WARS1: variants seen among roughly 807,000 people sequenced by gnomAD.
WARS1 encodes tryptophan--tRNA ligase, cytoplasmic.
In WARS1, 17 loss-of-function variants were observed where a neutral mutation model predicts 47.8. The ratio of observed to expected loss-of-function variants is 0.36; its 90% confidence interval spans 0.24 to 0.53. The LOEUF (loss-of-function observed/expected upper bound fraction) is 0.53, where lower values mean the gene tolerates loss of function less well. WARS1 is among the 20% of genes least tolerant of loss of function. The pLI, the probability that WARS1 is intolerant of heterozygous loss-of-function variation, is 0.91. For missense variants in WARS1, 434 were observed against 608.0 expected, an observed-to-expected ratio of 0.71 and a Z score of 3.01; for synonymous variants, 208 against 228.1, an observed-to-expected ratio of 0.91 and a Z score of 0.79.
intron 2 of WARS1, among the ~76,000 whole-genome samples, chr14:100,362,963 C>T (rs778086772): frequency 6.6e-6 from 1 of 152,170 alleles, no homozygotes; most frequent in Admixed American, 6.5e-5. Flanking sequence ...ATCTGAGACT[C>T]ATCATTAAAA....
rs772843016 is a variant in WARS1, at chr14:100,369,167, C to G, written c.19G>C (p.Ala7Pro). 1.5e-6 allele frequency: 2 copies of G among 1,370,630 alleles called. No homozygotes were observed. Among genetic ancestry groups the G allele is most frequent in the East Asian group, 7.5e-5 (2 of 26,652 alleles). 84.9% of individuals were successfully genotyped at this position (1,370,630 alleles called of 1,614,324 possible). ...CTGTTGAACAGCTCCAGCAGAGATGCGGGCTCACTGTTGGGCATGTTTGCT... is the reference window on the plus strand; with the variant it reads ...CTGTTGAACAGCTCCAGCAGAGATGGGGGCTCACTGTTGGGCATGTTTGCT... MPNSEP[A>P]SLLELFNSIA... is the part of the protein sequence containing the mutation. Residue 7 changes from alanine to proline, a missense_variant, in exon 2 of 11, where the codon GCA becomes CCA. Ala to Pro is a conservative substitution (Grantham distance 27). Coordinates refer to ENST00000392882, the MANE Select transcript of WARS1 (RefSeq NM_004184.4).
intron 6 of WARS1, among the ~76,000 whole-genome samples, chr14:100,350,208 A>G (rs894330072): frequency 6.6e-6 from 1 of 151,804 alleles, no homozygotes; most frequent in Non-Finnish European, 1.5e-5. Flanking sequence ...CCTGGCCAAC[A>G]TGGTGAAACT....
At position 100,361,828 on chromosome 14, in the gene WARS1, C is replaced by T. The variant is rs374643543; in HGVS notation, c.193G>A (p.Gly65Arg). 1.9e-6 allele frequency: 3 copies of T among 1,614,188 alleles called. No individual in the cohort carries two copies. The highest frequency in any genetic ancestry group is 2.5e-6 in the Non-Finnish European group (3 of 1,180,026). ...TGATTACTGGTAGGTGCTGGGTTCC[C>T]TGGAGGACAGTCAGCCTTGTAATCC... ...GEDYKADCPPGNPAPTSNHGP... is the reference protein window; with the variant it reads ...GEDYKADCPPRNPAPTSNHGP... Residue 65 changes from glycine to arginine, a missense_variant, in exon 3 of 11, where the codon GGG (glycine) becomes AGG (arginine). This residue lies in a region of WARS1 where 87 missense variants were observed against 84.2 expected (regional missense o/e 1.03). Transcript: ENST00000392882.
chr14:100,339,419 G>C lies in WARS1; in HGVS notation c.1114-2217C>G, dbSNP rs181169011. On this transcript the variant is annotated intron_variant, in intron 9 of 10. Transcript: ENST00000392882. The stretch of plus-strand genomic sequence containing the variant: ...ATCCTGGCTAACACGGTGAAACCCC[G>C]TCTCTACCAAAATACAAAAAATTAG... Among the ~76,000 whole-genome samples the C allele has an allele frequency of 2.0e-5, 3 of 152,024 alleles. No homozygotes were observed. In the East Asian group the frequency reaches 5.9e-4, roughly 30 times the overall value.
At chr14:100,369,716 C>G (rs1410354509) in intron 1 of WARS1, among the ~76,000 whole-genome samples, 1 of 151,738 alleles carries the variant, frequency 6.6e-6, no homozygotes, top group African/African-American at 2.4e-5. Context: ...CTCGCTCTGC[C>G]ACCCAGGCTG....
chr14:100,351,040 C>T (rs1221637634), intron 6 of WARS1, among the ~76,000 whole-genome samples: 1 of 152,066 alleles, frequency 6.6e-6, no homozygotes, highest in African/African-American at 2.4e-5. Context: ...GTAGCAGTGA[C>T]GCTGGAGAGG....
At chr14:100,367,112 G>C (rs540215398) in intron 2 of WARS1, among the ~76,000 whole-genome samples, 13 of 152,206 alleles carry the variant, frequency 8.5e-5, no homozygotes, top group African/African-American at 3.1e-4. Context: ...AGAGTGCTGT[G>C]AGGAAACTTC....
chr14:100,356,587 G>A (rs1038841511), intron 4 of WARS1, among the ~76,000 whole-genome samples: 4 of 151,972 alleles, frequency 2.6e-5, no homozygotes, highest in East Asian at 1.9e-4. Context: ...CTACTGAAAC[G>A]AACCCAAGAA....
At chr14:100,340,807 G>A (rs938869717) in intron 9 of WARS1, among the ~76,000 whole-genome samples, 1 of 152,120 alleles carries the variant, frequency 6.6e-6, no homozygotes, top group Admixed American at 6.6e-5. Context: ...CCGTCTGTAG[G>A]CCTCTGTTTT....
chr14:100,345,009 G>GC (rs1160551093), intron 7 of WARS1, among the ~76,000 whole-genome samples: 3 of 148,352 alleles, frequency 2.0e-5, no homozygotes, highest in Non-Finnish European at 3.0e-5. Context: ...GGGGGGGTCA[G>GC]CCCCCCGCCC....
intron 9 of WARS1, among the ~76,000 whole-genome samples, chr14:100,338,080 G>A (rs775514016): frequency 1.3e-5 from 2 of 152,082 alleles, no homozygotes; most frequent in East Asian, 1.9e-4. Flanking sequence ...GCTGTGCAGG[G>A]AGAGGGGCCT....
At position 100,342,508 on chromosome 14, in the gene WARS1, G is replaced by A. The variant is rs9453; in HGVS notation, c.1003C>T (p.Leu335=). 0.73 allele frequency: 1,185,378 copies of A among 1,613,524 alleles called. 438,903 individuals carry two copies. Among genetic ancestry groups the A allele is most frequent in the Admixed American group, 0.84 (50,357 of 60,006 alleles). Residue 335 remains leucine, a synonymous_variant, in exon 9 of 11, where the codon CTG becomes TTG. Coordinates refer to ENST00000392882, the MANE Select transcript of WARS1 (RefSeq NM_004184.4). The part of the protein sequence containing the change: ...PRIGYPKPAL[L]HSTFFPALQG... Reference sequence around the variant, plus strand: ...AGGGCTGGGAAGAAGGTGGAGTGCAGCAGGGCTGGTTTAGGATAGCCGATC... The same window carrying A: ...AGGGCTGGGAAGAAGGTGGAGTGCAACAGGGCTGGTTTAGGATAGCCGATC...
At chr14:100,342,715 CT>C (rs1389060111) in intron 8 of WARS1, 144 bp from the exon 9 acceptor site, 46,107 of 518,554 alleles carry the variant, frequency 0.089, 57 homozygotes, top group South Asian at 0.13. Context: ...TCATCTTTTC[CT>C]TTTTTTTTTT....
rs1555381563 is a variant in WARS1 at position 100,356,396 on chromosome 14, T to TGGG, written c.423-1831_423-1830insCCC. On this transcript the variant is annotated intron_variant, in intron 4 of 10. Coordinates refer to ENST00000392882, the MANE Select transcript of WARS1 (RefSeq NM_004184.4). ...CAAAGTGACTGGGTGTGTGTGTGTG[T>TGGG]GTGGGGGGGGGTGTGGAATAAAAGA... 2.4e-3 allele frequency among the ~76,000 whole-genome samples: 241 copies of TGGG among 98,782 alleles called. 5 individuals carry two copies. The highest frequency in any genetic ancestry group is 4.0e-3 in the Non-Finnish European group (182 of 45,086). 64.8% of individuals were successfully genotyped at this position (98,782 alleles called of 152,430 possible). A position where few individuals can be genotyped will look rare whatever the true frequency, so the allele number is the denominator to read the frequency against.
chr14:100,355,151 G>T (rs527933089), intron 4 of WARS1, among the ~76,000 whole-genome samples: 69 of 152,232 alleles, frequency 4.5e-4, no homozygotes, highest in African/African-American at 1.5e-3. Context: ...AATCACAGCT[G>T]CCTGCGCCCC....
Position 100,366,043 on chromosome 14 carries a change from G to C in WARS1, c.99+3044C>G, listed in dbSNP as rs187683226. On this transcript the variant is annotated intron_variant, in intron 2 of 10. Coordinates refer to ENST00000392882, the MANE Select transcript of WARS1 (RefSeq NM_004184.4). The stretch of plus-strand genomic sequence containing the variant: ...AGTTATTGAGAATCCCTCTCCCCTC[G>C]GCCAAGGGAGTGTCACAGTTTCCCC... 77 of 455,932 alleles carry C rather than the reference G, an allele frequency of 1.7e-4. No individual in the cohort carries two copies. In the East Asian group the frequency reaches 5.3e-3, roughly 31 times the overall value. 28.2% of individuals were successfully genotyped at this position (455,932 alleles called of 1,614,324 possible).
At chr14:100,374,692 G>A (rs1247177914) in intron 1 of WARS1, 3 of 152,214 alleles carry the variant, frequency 2.0e-5, no homozygotes, top group Non-Finnish European at 2.9e-5. Flanking sequence ...ATGTGGCCCA[G>A]GAGTGTTTCT....
intron 6 of WARS1, among the ~76,000 whole-genome samples, chr14:100,350,589 T>C (rs967609384): frequency 2.6e-5 from 4 of 152,100 alleles, no homozygotes; most frequent in Non-Finnish European, 5.9e-5. Context: ...TACCCCATCG[T>C]GCATCTATTG....
At chr14:100,341,762 C>T (rs554140690) in intron 9 of WARS1, among the ~76,000 whole-genome samples, 85 of 152,344 alleles carry the variant, frequency 5.6e-4, no homozygotes, top group African/African-American at 1.4e-3. Flanking sequence ...AGGACTGTCC[C>T]GTGGATGGAC....
Sources: gnomAD v4.1 joint callset for allele counts (sites outside exome capture counted in the v4.1 genomes callset) on GRCh38, gnomAD v4.1.1 for gene constraint, gnomAD v4.1.1 regional missense constraint, MANE v1.5 for transcripts, NCBI Gene and HGNC (gene_info 2026-07-23, HGNC 2026-07-21) for gene names.